MEF2A: variants seen among roughly 807,000 people sequenced by gnomAD.
MEF2A encodes myocyte-specific enhancer factor 2A.
In MEF2A, 28 loss-of-function variants were observed where a neutral mutation model predicts 55.8. The observed-to-expected ratio is 0.50, with a 90% CI of 0.37 to 0.69. The LOEUF (loss-of-function observed/expected upper bound fraction) is 0.69. Ranked by LOEUF, MEF2A falls within the 30% of genes least tolerant of loss-of-function variation. MEF2A has a pLI of 0.00. For synonymous variants in MEF2A, 239 were observed against 227.1 expected (o/e 1.05, Z -0.47); for missense variants, 528 against 626.2 (o/e 0.84, Z 1.67).
intron 2 of MEF2A, among the ~76,000 whole-genome samples, chr15:99,612,783 G>T (rs185207272): frequency 6.6e-6 from 1 of 152,228 alleles, no homozygotes; most frequent in Admixed American, 6.5e-5. Context: ...ACAGTGAGGG[G>T]TCTTACTTAA....
chr15:99,602,627 A>C (rs1281906328), intron 2 of MEF2A, among the ~76,000 whole-genome samples: 1 of 143,154 alleles, frequency 7.0e-6, no homozygotes, highest in Admixed American at 7.3e-5. Flanking sequence ...CCTGACCGTC[A>C]CCTGGTGGTT....
intron 1 of MEF2A, among the ~76,000 whole-genome samples, chr15:99,568,073 A>C (rs1415302365): frequency 6.6e-6 from 1 of 152,078 alleles, no homozygotes; most frequent in Admixed American, 6.5e-5. Context: ...TTGCTTACCT[A>C]TTTCCTTTAA....
intron 3 of MEF2A, among the ~76,000 whole-genome samples, chr15:99,634,719 C>A (rs1055679758): frequency 3.3e-5 from 5 of 152,100 alleles, no homozygotes; most frequent in African/African-American, 7.2e-5. Flanking sequence ...GAGGAAATGA[C>A]CTTGTTGAAA....
At position 99,697,862 on chromosome 15, in the gene MEF2A, T is replaced by C. The variant is rs564629817; in HGVS notation, c.859-5500T>C. 2.0e-5 allele frequency among the ~76,000 whole-genome samples: 3 copies of C among 152,310 alleles called. 1 individual carries two copies. The highest frequency in any genetic ancestry group is 7.2e-5 in the African/African-American group (3 of 41,568). On this transcript the variant is annotated intron_variant, in intron 8 of 11. Coordinates refer to ENST00000557942, the MANE Select transcript of MEF2A (RefSeq NM_001319206.4). The stretch of plus-strand genomic sequence containing the variant: ...CTATAGTAATCCAGAAAGTGTGATA[T>C]TGACAAAAGGATGGGCACATAGATC...
At chr15:99,581,414 CT>C (rs35355471) in intron 1 of MEF2A, among the ~76,000 whole-genome samples, 33,803 of 146,512 alleles carry the variant, frequency 0.23, 4,166 homozygotes, top group South Asian at 0.33. Flanking sequence ...TATGAGCTTT[CT>C]TTTTTTTTTT....
At chr15:99,569,518 A>C (rs1280586457) in intron 1 of MEF2A, among the ~76,000 whole-genome samples, 2 of 152,220 alleles carry the variant, frequency 1.3e-5, no homozygotes, top group Non-Finnish European at 2.9e-5. Context: ...AAACATTAGA[A>C]TTTTGATCTT....
At chr15:99,666,548 C>T (rs2570822) in intron 4 of MEF2A, among the ~76,000 whole-genome samples, 32,398 of 148,810 alleles carry the variant, frequency 0.22, 4,191 homozygotes, top group South Asian at 0.31. Flanking sequence ...CAAACCTGCA[C>T]GTTCTGCACA....
At chr15:99,593,356 G>A (rs1970015000) in intron 1 of MEF2A, among the ~76,000 whole-genome samples, 1 of 152,054 alleles carries the variant, frequency 6.6e-6, no homozygotes, top group Non-Finnish European at 1.5e-5. Flanking sequence ...GTGCGGGGCT[G>A]TTCATTGTCT....
At chr15:99,612,927 A>AT (rs1567225914) in intron 2 of MEF2A, among the ~76,000 whole-genome samples, 1 of 151,968 alleles carries the variant, frequency 6.6e-6, no homozygotes. Context: ...AAAAAAAAAA[A>AT]GGAAAAGACC....
intron 1 of MEF2A, among the ~76,000 whole-genome samples, chr15:99,573,912 A>T (rs1329292353): frequency 6.6e-6 from 1 of 152,230 alleles, no homozygotes; most frequent in Non-Finnish European, 1.5e-5. Flanking sequence ...CTTTTTATTA[A>T]TGGTGTTAAA....
At chr15:99,664,713 C>T (rs2033546) in intron 4 of MEF2A, among the ~76,000 whole-genome samples, 2 of 151,938 alleles carry the variant, frequency 1.3e-5, no homozygotes, top group African/African-American at 4.8e-5. Context: ...TGGTAAGTCC[C>T]AAGGAGAGAC....
chr15:99,590,457 T>G (rs926786619), intron 1 of MEF2A, among the ~76,000 whole-genome samples: 4 of 148,880 alleles, frequency 2.7e-5, no homozygotes, highest in Non-Finnish European at 4.5e-5. Flanking sequence ...CTCTACTGTT[T>G]AATTGAGGTT....
rs58540017 is a variant in MEF2A, at chr15:99,602,755, CGTGTGTGTGT to C, written c.-143+4279_-143+4288del. Reference sequence around the variant, plus strand: ...GGGGGGGTGGGGGTGGGGAGCTTTTCGTGTGTGTGTGTGTGTGTGTGTGTGTGTGTGTGTG... The same window carrying C: ...GGGGGGGTGGGGGTGGGGAGCTTTTCGTGTGTGTGTGTGTGTGTGTGTGTG... On this transcript the variant is annotated intron_variant, in intron 2 of 11. Coordinates refer to ENST00000557942, the MANE Select transcript of MEF2A (RefSeq NM_001319206.4). Among the ~76,000 whole-genome samples the C allele has an allele frequency of 6.0e-4, 10 of 16,718 alleles. 1 individual carries two copies. The highest frequency in any genetic ancestry group is 1.5e-3 in the African/African-American group (7 of 4,628). 11.0% of individuals were successfully genotyped at this position (16,718 alleles called of 152,430 possible).
At chr15:99,660,986 T>C (rs997644082) in intron 4 of MEF2A, among the ~76,000 whole-genome samples, 2 of 152,164 alleles carry the variant, frequency 1.3e-5, no homozygotes, top group Non-Finnish European at 2.9e-5. Context: ...CTGCAATATA[T>C]TGAGACTAAT....
At chr15:99,709,158 T>A (rs1597330720) in intron 10 of MEF2A, among the ~76,000 whole-genome samples, 1 of 151,916 alleles carries the variant, frequency 6.6e-6, no homozygotes, top group Non-Finnish European at 1.5e-5. Context: ...ACTAGAGAGG[T>A]GGCAGTAGAG....
In MEF2A at chr15:99,712,410, A is replaced by G; in HGVS notation, c.1157A>G (p.Gln386Arg). 1 of 1,539,272 alleles carries G rather than the reference A, an allele frequency of 6.5e-7. No homozygotes were observed. Among genetic ancestry groups the G allele is most frequent in the South Asian group, 1.2e-5 (1 of 83,276 alleles). The change falls in exon 12 of 12, where the codon CAG (glutamine) becomes CGG (arginine). Residue 386 changes from glutamine (Q) to arginine (R), a missense_variant. By Grantham distance (43) the Gln-to-Arg change is conservative. This residue lies in a region of MEF2A where 450 missense variants were observed against 475.3 expected (regional missense o/e 0.95). Coordinates refer to ENST00000557942, the MANE Select transcript of MEF2A (RefSeq NM_001319206.4). This position sits in a 1 kb window ranked among gnomAD's most constrained non-coding sequence, Gnocchi z 4.1. ...SSLVAGGQLS[Q>R]GSNLSINTNQ... is the part of the protein sequence containing the mutation. Reference sequence around the variant, plus strand: ...TTCAGTGCTGGAGGGCAGTTATCTCAGGGTTCCAATTTATCCATTAATACC... The same window carrying G: ...TTCAGTGCTGGAGGGCAGTTATCTCGGGGTTCCAATTTATCCATTAATACC...
At chr15:99,634,517 G>A (rs1356178277) in intron 3 of MEF2A, among the ~76,000 whole-genome samples, 1 of 152,026 alleles carries the variant, frequency 6.6e-6, no homozygotes, top group Non-Finnish European at 1.5e-5. Context: ...TATAAAATAG[G>A]GTTTATTGGG....
At chr15:99,666,845 G>T (rs1432054273) in intron 4 of MEF2A, among the ~76,000 whole-genome samples, 1 of 152,042 alleles carries the variant, frequency 6.6e-6, no homozygotes, top group Non-Finnish European at 1.5e-5. Flanking sequence ...GATCTTAATA[G>T]CTTCCGACAG....
intron 7 of MEF2A, chr15:99,681,890 C>A (rs2053320673): frequency 6.6e-6 from 1 of 152,182 alleles, no homozygotes; most frequent in Non-Finnish European, 1.5e-5. Flanking sequence ...GTAATCTTTT[C>A]TACTTTCAGA....
Sources: gnomAD v4.1 joint callset for allele counts (sites outside exome capture counted in the v4.1 genomes callset) on GRCh38, gnomAD v4.1.1 for gene constraint, gnomAD v4.1.1 regional missense constraint, Gnocchi (gnomAD v3.1) non-coding constraint, MANE v1.5 for transcripts, NCBI Gene and HGNC (gene_info 2026-07-23, HGNC 2026-07-21) for gene names.